CHRNA7: variants seen among roughly 807,000 people sequenced by gnomAD.
CHRNA7 encodes the protein cholinergic receptor nicotinic alpha 7 subunit.
Under a neutral mutation model 48.0 loss-of-function variants are expected in CHRNA7, and 17 were observed. The ratio of observed to expected loss-of-function variants is 0.35; its 90% CI spans 0.24 to 0.53. The LOEUF (loss-of-function observed/expected upper bound fraction) is 0.53. Among genes scored for constraint, CHRNA7 ranks in the 20% least tolerant of loss-of-function variants. The pLI is 0.92. For synonymous variants in CHRNA7, 75 were observed against 242.3 expected (o/e 0.31, Z 6.41); for missense variants, 155 against 577.7 (o/e 0.27, Z 7.50).
rs2052366239 is a variant in CHRNA7, at chr15:32,170,137, AG to A, written c.*1680del. 1.5e-5 allele frequency: 1 copy of A among 64,628 alleles called. No homozygotes were observed. The highest frequency in any genetic ancestry group is 3.0e-5 in the Non-Finnish European group (1 of 33,284). The allele number at this position is 64,628 out of a possible 1,614,324, so 4.0% of individuals were successfully genotyped here. ...CCTGAGGTGGGAACATCATGAGGGA[AG>A]ATTTGATTTTCAGAGTTAAATAAAT... On this transcript the variant is annotated 3_prime_UTR_variant, in exon 10 of 10. Transcript: ENST00000306901.
At chr15:32,144,116 G>A (rs148308001) in intron 4 of CHRNA7, among the ~76,000 whole-genome samples, 5,009 of 152,194 alleles carry the variant, frequency 0.033, 100 homozygotes, top group Non-Finnish European at 0.054. Context: ...CAGGCCTGGT[G>A]GTGACAAAAT....
intron 2 of CHRNA7, among the ~76,000 whole-genome samples, chr15:32,033,713 A>G (rs750137500): frequency 1.3e-5 from 2 of 152,196 alleles, no homozygotes; most frequent in Non-Finnish European, 2.9e-5. Flanking sequence ...ACAGAGACAC[A>G]ATGGTTCTCA....
At chr15:32,058,915 T>C (rs1442831647) in intron 2 of CHRNA7, among the ~76,000 whole-genome samples, 1 of 152,228 alleles carries the variant, frequency 6.6e-6, no homozygotes, top group Middle Eastern at 3.2e-3. Context: ...GATGTTTGTC[T>C]CTTTGATGAT....
intron 3 of CHRNA7, chr15:32,103,172 G>A (rs918974641): frequency 1.3e-5 from 2 of 152,118 alleles, no homozygotes; most frequent in Admixed American, 1.3e-4. Context: ...GTTATCCTGC[G>A]AATACACGTG....
chr15:32,109,952 C>T (rs911525695), intron 3 of CHRNA7, among the ~76,000 whole-genome samples: 1 of 152,218 alleles, frequency 6.6e-6, no homozygotes, highest in East Asian at 1.9e-4. Flanking sequence ...ATTCCCATTC[C>T]CAGTTCCTGT....
chr15:32,109,619 G>A (rs1367861650), intron 3 of CHRNA7, among the ~76,000 whole-genome samples: 1 of 152,228 alleles, frequency 6.6e-6, no homozygotes, highest in Admixed American at 6.5e-5. Context: ...AGCTCTGGTA[G>A]AACCCAAAGA....
Position 32,149,955 on chromosome 15 carries a change from C to A in CHRNA7, c.351-3952C>A, listed in dbSNP as rs1170370233. Among the ~76,000 whole-genome samples the A allele has an allele frequency of 1.3e-5, 2 of 151,904 alleles. No individual in the cohort carries two copies. Among genetic ancestry groups the A allele is most frequent in the South Asian group, 4.2e-4 (2 of 4,806 alleles). On this transcript the variant is annotated intron_variant, in intron 4 of 9. Transcript: ENST00000306901. The surrounding 1 kb of genome is among the most constrained non-coding windows in gnomAD (Gnocchi z 4.6). ...ATATGAAAATCAGACAGGAAGAAAC[C>A]CAAGCTTAAAATAAGCAAAACTTTG...
chr15:32,069,476 T>C (rs900110637), intron 2 of CHRNA7, among the ~76,000 whole-genome samples: 3 of 151,634 alleles, frequency 2.0e-5, no homozygotes, highest in African/African-American at 4.9e-5. Context: ...CAAGACCCAA[T>C]TGCTACAAAA....
chr15:32,047,966 A>G (rs1297967027), intron 2 of CHRNA7, among the ~76,000 whole-genome samples: 1 of 152,094 alleles, frequency 6.6e-6, no homozygotes, highest in South Asian at 2.1e-4. Context: ...TATATGCTGG[A>G]TTACATTTAT....
At chr15:32,122,505 C>T (rs2050988654) in intron 4 of CHRNA7, among the ~76,000 whole-genome samples, 1 of 152,120 alleles carries the variant, frequency 6.6e-6, no homozygotes, top group African/African-American at 2.4e-5. Flanking sequence ...ACATCCTTAG[C>T]TAATCACATT....
At chr15:32,059,944 C>CAAAAAAAAAAAAAAAAAAAAAA (rs34200550) in intron 2 of CHRNA7, among the ~76,000 whole-genome samples, 4 of 33,054 alleles carry the variant, frequency 1.2e-4, no homozygotes, top group East Asian at 1.3e-3. Context: ...AGTAGAAAAG[C>CAAAAAAAAAAAAAAAAAAAAAA]AAAAAAAAAA....
rs2051769762 is a variant in CHRNA7, at chr15:32,157,724, C to T, written c.547C>T (p.Gln183Ter). The T allele has an allele frequency of 7.8e-6, 10 of 1,274,412 alleles. 2 individuals carry two copies. The highest frequency in any genetic ancestry group is 1.1e-5 in the Non-Finnish European group (10 of 917,414). The allele number at this position is 1,274,412 out of a possible 1,614,324, so 78.9% of individuals were successfully genotyped here. ...YGGWSLDLQMQEADISGYIPN... is the reference protein window; with the variant it reads ...YGGWSLDLQM The stretch of plus-strand genomic sequence containing the variant: ...AGGCTGGTCCTTGGATCTGCAGATG[C>T]AGGAGGCAGATATCAGTGGCTATAT... Residue 183 changes from glutamine to a stop codon, truncating the protein, a stop_gained, in exon 6 of 10, where the codon CAG becomes TAG. Coordinates refer to ENST00000306901, the MANE Select transcript of CHRNA7 (RefSeq NM_000746.6). LOFTEE classifies it high-confidence loss of function.
chr15:32,117,484 A>G (rs745741409), intron 4 of CHRNA7, among the ~76,000 whole-genome samples: 1 of 152,140 alleles, frequency 6.6e-6, no homozygotes, highest in Non-Finnish European at 1.5e-5. Flanking sequence ...CTCAAGTTCT[A>G]GTTGCTTTCA....
intron 2 of CHRNA7, among the ~76,000 whole-genome samples, chr15:32,085,922 T>C (rs1467430547): frequency 6.6e-6 from 1 of 152,232 alleles, no homozygotes; most frequent in Non-Finnish European, 1.5e-5. Flanking sequence ...CCAGTCGTTG[T>C]TACCCTGTGG....
chr15:32,055,723 T>C (rs535161808), intron 2 of CHRNA7, among the ~76,000 whole-genome samples: 24 of 152,158 alleles, frequency 1.6e-4, no homozygotes, highest in Non-Finnish European at 1.5e-4. Context: ...CTCATGCCTG[T>C]AATCCCAGCA....
At chr15:32,034,656 G>T (rs774223551) in intron 2 of CHRNA7, among the ~76,000 whole-genome samples, 3 of 152,136 alleles carry the variant, frequency 2.0e-5, no homozygotes, top group Non-Finnish European at 2.9e-5. Context: ...AGACCAGCCT[G>T]CCATAGCATA....
In CHRNA7 at chr15:32,107,286, TG is replaced by T. The variant is rs2050686531; in HGVS notation, c.241-4502del. On this transcript the variant is annotated intron_variant, in intron 3 of 9. Transcript: ENST00000306901. ...TCTCACTTCAGATACCAGCTGCAAATGGTGTACCCAGGCTACCCACATGTCT... is the reference window on the plus strand; with the variant it reads ...TCTCACTTCAGATACCAGCTGCAAATGTGTACCCAGGCTACCCACATGTCT... 2.0e-5 allele frequency among the ~76,000 whole-genome samples: 3 copies of T among 152,046 alleles called. No individual in the cohort carries two copies. The South Asian group carries it at 6.2e-4, about 32-fold the overall frequency.
At chr15:32,122,314 G>A (rs2050985256) in intron 4 of CHRNA7, among the ~76,000 whole-genome samples, 1 of 152,164 alleles carries the variant, frequency 6.6e-6, no homozygotes, top group African/African-American at 2.4e-5. Context: ...AAATAAGTAA[G>A]TTCTGATTGT....
At chr15:32,115,007 C>T (rs1384429584) in intron 4 of CHRNA7, among the ~76,000 whole-genome samples, 1 of 152,198 alleles carries the variant, frequency 6.6e-6, no homozygotes, top group Non-Finnish European at 1.5e-5. Flanking sequence ...CCACAAGGCT[C>T]GGTGTCCCCC....
Sources: allele counts gnomAD v4.1 joint callset (sites outside exome capture counted in the v4.1 genomes callset), GRCh38; gene constraint gnomAD v4.1.1; non-coding constraint Gnocchi (gnomAD v3.1); transcripts MANE v1.5; gene names NCBI Gene and HGNC (gene_info 2026-07-23, HGNC 2026-07-21).